The following ZNF280D variants were observed in gnomAD, a reference collection of about 807,000 sequenced individuals.
ZNF280D encodes the protein suppressor of hairy wing homolog 4.
A neutral mutation model predicts 94.7 loss-of-function variants in ZNF280D; 39 were observed. That is an observed-to-expected ratio of 0.41 (90% CI 0.32 to 0.54). ZNF280D has a LOEUF of 0.54. Among genes scored for constraint, ZNF280D ranks in the 20% least tolerant of loss-of-function variants. The probability of loss-of-function intolerance (pLI) is 0.22; values close to 1 mark genes in which losing one functional copy is unlikely to be tolerated. For synonymous variants in ZNF280D, 398 were observed against 377.6 expected, an observed-to-expected ratio of 1.05 and a Z score of -0.63; for missense variants, 1,090 against 1,149.3, an observed-to-expected ratio of 0.95 and a Z score of 0.75.
At chr15:56,644,042 T>G (rs1440137074) in intron 19 of ZNF280D, among the ~76,000 whole-genome samples, 2 of 152,058 alleles carry the variant, frequency 1.3e-5, no homozygotes, top group African/African-American at 2.4e-5. Context: ...TAAATGTTTA[T>G]ACTTTGTTAA....
intron 1 of ZNF280D, chr15:56,729,934 G>A (rs1264449018): frequency 6.6e-6 from 1 of 152,120 alleles, no homozygotes; most frequent in Non-Finnish European, 1.5e-5. Flanking sequence ...GCATGAAATA[G>A]ATTTTTTATT....
intron 17 of ZNF280D, among the ~76,000 whole-genome samples, chr15:56,658,081 AAAG>A (rs1450750342): frequency 2.0e-5 from 3 of 152,208 alleles, no homozygotes; most frequent in African/African-American, 7.2e-5. Flanking sequence ...ATGCTAAATG[AAAG>A]AAGCCACAGA....
intron 19 of ZNF280D, chr15:56,653,037 C>T: frequency 5.2e-6 from 5 of 966,466 alleles, no homozygotes; most frequent in Non-Finnish European, 6.2e-6. Context: ...AATCAAAATG[C>T]AAGAATCGGT....
intron 3 of ZNF280D, among the ~76,000 whole-genome samples, chr15:56,705,431 G>A (rs2057346983): frequency 2.0e-5 from 3 of 152,166 alleles, no homozygotes; most frequent in Admixed American, 6.5e-5. Context: ...AAAGAGAGCA[G>A]AGAGCTGACA....
At chr15:56,686,608 C>T (rs2056033060) in intron 9 of ZNF280D, among the ~76,000 whole-genome samples, 1 of 152,080 alleles carries the variant, frequency 6.6e-6, no homozygotes, top group Admixed American at 6.6e-5. Context: ...AGTGAAGACA[C>T]AGAAATATAA....
chr15:56,663,223 G>A (rs569406497), intron 16 of ZNF280D, among the ~76,000 whole-genome samples: 27 of 142,262 alleles, frequency 1.9e-4, no homozygotes, highest in African/African-American at 6.7e-4. Flanking sequence ...GGTTGAGGCT[G>A]TAGTGAACTG....
Position 56,668,816 on chromosome 15 carries a change from A to C in ZNF280D, c.1545+7T>G, listed in dbSNP as rs370912583. On this transcript the variant is annotated splice_region_variant and intron_variant, in intron 14 of 21. Transcript: ENST00000267807. The stretch of plus-strand genomic sequence containing the variant: ...AAAATGTTAAAATACAATATATTTT[A>C]ACTCACTTTTGTTCCAGGAGGCAAT... 61 of 1,593,974 alleles carry C rather than the reference A, an allele frequency of 3.8e-5. No individual in the cohort carries two copies. The East Asian group carries it at 4.8e-4, about 12-fold the overall frequency.
chr15:56,695,611 C>G (rs1019663400), intron 6 of ZNF280D, among the ~76,000 whole-genome samples: 1 of 148,920 alleles, frequency 6.7e-6, no homozygotes, highest in Non-Finnish European at 1.5e-5. Context: ...CTCACTGCAA[C>G]CTCCACCTCC....
At chr15:56,668,674 T>G (rs1354558584) in intron 14 of ZNF280D, 149 bp downstream of exon 14, 2 of 689,886 alleles carry the variant, frequency 2.9e-6, no homozygotes, top group Non-Finnish European at 4.5e-6. Context: ...GGTTAGAAGT[T>G]TTTCCTTCTA....
At chr15:56,711,945 A>C (rs1199104713) in intron 1 of ZNF280D, among the ~76,000 whole-genome samples, 1 of 152,196 alleles carries the variant, frequency 6.6e-6, no homozygotes, top group Non-Finnish European at 1.5e-5. Context: ...ACTGTACTGA[A>C]TACCGCAGGC....
intron 11 of ZNF280D, 93 bp downstream of exon 11, chr15:56,678,571 T>C (rs2055402583): frequency 8.3e-7 from 1 of 1,198,434 alleles, no homozygotes; most frequent in Non-Finnish European, 1.1e-6. Flanking sequence ...CTAGTTCTCA[T>C]TCTCATTTTT....
chr15:56,687,350 A>G (rs1264892357), intron 9 of ZNF280D, among the ~76,000 whole-genome samples: 1 of 152,182 alleles, frequency 6.6e-6, no homozygotes, highest in East Asian at 1.9e-4. Flanking sequence ...ACCATGAAGT[A>G]ACACATAAAA....
At chr15:56,689,180 A>G (rs1727625798) in intron 8 of ZNF280D, 30 bp from the exon 9 acceptor site, 4 of 1,583,856 alleles carry the variant, frequency 2.5e-6, no homozygotes, top group African/African-American at 1.4e-5. Flanking sequence ...TTTATGACTC[A>G]AAATTCATCA....
At chr15:56,663,941 G>C (rs942849669) in intron 16 of ZNF280D, among the ~76,000 whole-genome samples, 6 of 151,976 alleles carry the variant, frequency 3.9e-5, no homozygotes, top group African/African-American at 1.5e-4. Flanking sequence ...TGATAAAATT[G>C]GAAGTGATGG....
chr15:56,693,662 GA>G (rs1178771737), intron 6 of ZNF280D, among the ~76,000 whole-genome samples: 20 of 145,562 alleles, frequency 1.4e-4, no homozygotes, highest in East Asian at 2.0e-4. Context: ...AAAGCAAGGA[GA>G]AAAAAAAAAC....
chr15:56,676,699 G>A lies in ZNF280D; in HGVS notation c.1381C>T (p.Pro461Ser). ...FCLKVIKIAT[P>S]YMHHYMKHQK... ...TGCTTCATATAATGATGCATATATGGTGTTGCAATTTTAATAACTTTGAGG... is the reference window on the plus strand; with the variant it reads ...TGCTTCATATAATGATGCATATATGATGTTGCAATTTTAATAACTTTGAGG... Residue 461 changes from proline to serine, a missense_variant, in exon 13 of 22, where the codon CCA becomes TCA. Physicochemically the swap from Pro to Ser is moderately conservative, Grantham distance 74 (BLOSUM62 -1). Around this residue, in one of 3 missense-constraint regions of ZNF280D, gnomAD observed 127 missense variants for 208.6 expected, o/e 0.61. Transcript: ENST00000267807. 1 of 1,612,360 alleles carries A rather than the reference G, an allele frequency of 6.2e-7. No homozygotes were observed. Among genetic ancestry groups the A allele is most frequent in the East Asian group, 2.2e-5 (1 of 44,752 alleles).
chr15:56,707,725 CT>C (rs1429861486), intron 1 of ZNF280D, among the ~76,000 whole-genome samples: 1 of 151,936 alleles, frequency 6.6e-6, no homozygotes, highest in Non-Finnish European at 1.5e-5. Context: ...ATCTTTCTGG[CT>C]TTTTATCAAC....
intron 1 of ZNF280D, among the ~76,000 whole-genome samples, chr15:56,718,432 C>T (rs1436339362): frequency 6.6e-6 from 1 of 152,162 alleles, no homozygotes; most frequent in African/African-American, 2.4e-5. Context: ...TCAGATCAAA[C>T]ACCTCAAATA....
intron 1 of ZNF280D, among the ~76,000 whole-genome samples, chr15:56,720,979 G>GT (rs61523307): frequency 2.4e-5 from 3 of 123,722 alleles, no homozygotes; most frequent in African/African-American, 8.6e-5. Context: ...TTGGGGGGGG[G>GT]GGGGACAGAG....
Sources: allele counts gnomAD v4.1 joint callset (sites outside exome capture counted in the v4.1 genomes callset), GRCh38; gene constraint gnomAD v4.1.1; regional missense constraint gnomAD v4.1.1; transcripts MANE v1.5; gene names NCBI Gene and HGNC (gene_info 2026-07-23, HGNC 2026-07-21).